PIK3C2A: variants seen among roughly 807,000 people sequenced by gnomAD.
PIK3C2A encodes the protein phosphatidylinositol-4-phosphate 3-kinase catalytic subunit type 2 alpha.
Under a neutral mutation model 204.5 loss-of-function variants are expected in PIK3C2A, and 97 were observed. The ratio of observed to expected loss-of-function variants is 0.47; its 90% CI spans 0.40 to 0.56. The LOEUF is 0.56. PIK3C2A is among the 20% of genes least tolerant of loss of function. The pLI is 0.00. For synonymous variants in PIK3C2A, 653 were observed against 664.4 expected, an observed-to-expected ratio of 0.98 and a Z score of 0.26; for missense variants, 1,735 against 1,969.2, an observed-to-expected ratio of 0.88 and a Z score of 2.25.
intron 22 of PIK3C2A, among the ~76,000 whole-genome samples, chr11:17,110,121 T>A (rs1235338625): frequency 1.3e-5 from 2 of 151,898 alleles, no homozygotes; most frequent in Non-Finnish European, 2.9e-5. Flanking sequence ...CCTGGCTAAT[T>A]TTTGCATTTT....
intron 2 of PIK3C2A, among the ~76,000 whole-genome samples, chr11:17,162,062 G>A (rs113066723): frequency 1.3e-5 from 2 of 152,154 alleles, no homozygotes; most frequent in African/African-American, 2.4e-5. Flanking sequence ...TGGGCCGGGC[G>A]CAGTGGCTCA....
chr11:17,121,220 C>T (rs1015666945), intron 15 of PIK3C2A, among the ~76,000 whole-genome samples: 1 of 152,068 alleles, frequency 6.6e-6, no homozygotes, highest in South Asian at 2.1e-4. Flanking sequence ...TGGGCTCAAG[C>T]AATTCTCCCA....
At chr11:17,095,717 T>C (rs1200136666) in intron 27 of PIK3C2A, among the ~76,000 whole-genome samples, 2 of 151,846 alleles carry the variant, frequency 1.3e-5, no homozygotes, top group Non-Finnish European at 2.9e-5. Context: ...CGCCTGGCCA[T>C]GTGCCTGGGC....
In PIK3C2A at chr11:17,169,170, C is replaced by T. The variant is rs61755371; in HGVS notation, c.572G>A (p.Gly191Glu). 2.6e-5 allele frequency: 42 copies of T among 1,613,602 alleles called. No individual in the cohort carries two copies. The highest frequency in any genetic ancestry group is 3.3e-4 in the Middle Eastern group (2 of 6,082). Residue 191 changes from glycine to glutamate, a missense_variant, in exon 2 of 33, where the codon GGA becomes GAA. Transcript: ENST00000691414. The part of the protein sequence containing the change: ...STEPIYLSLP[G>E]QSPYFSYPLT... ...AGGATATGAGAAATATGGAGATTGTCCCGGAAGACTTAAATATATAGGTTC... is the reference window on the plus strand; with the variant it reads ...AGGATATGAGAAATATGGAGATTGTTCCGGAAGACTTAAATATATAGGTTC...
At chr11:17,180,140 C>G (rs552249475) in intron 1 of PIK3C2A, among the ~76,000 whole-genome samples, 3,859 of 152,180 alleles carry the variant, frequency 0.025, 164 homozygotes, top group African/African-American at 0.088. Flanking sequence ...AGCACTGCTG[C>G]AGGCAATGAA....
chr11:17,120,046 AAAG>A (rs1269280064), intron 15 of PIK3C2A, 72 bp from the exon 16 acceptor site: 1 of 652,198 alleles, frequency 1.5e-6, no homozygotes, highest in East Asian at 3.2e-5. Flanking sequence ...TTAAAAATAC[AAAG>A]AAGAAATTTA....
intron 13 of PIK3C2A, 43 bp downstream of exon 13, chr11:17,129,257 A>G (rs1285424681): frequency 6.7e-7 from 1 of 1,495,948 alleles, no homozygotes; most frequent in African/African-American, 1.4e-5. Flanking sequence ...TGATGTGCAG[A>G]TGTGTCCACA....
At chr11:17,177,996 G>A (rs1234437191) in intron 1 of PIK3C2A, among the ~76,000 whole-genome samples, 2 of 148,302 alleles carry the variant, frequency 1.3e-5, no homozygotes, top group Non-Finnish European at 3.0e-5. Flanking sequence ...CCAAGGCTGA[G>A]GAAGAAGAAC....
At chr11:17,113,781 CAA>C (rs1283891348) in intron 20 of PIK3C2A, among the ~76,000 whole-genome samples, 23 of 76,912 alleles carry the variant, frequency 3.0e-4, no homozygotes, top group Admixed American at 6.3e-4. Context: ...GACTCCATCT[CAA>C]AAAAAAAAAA....
intron 1 of PIK3C2A, chr11:17,194,313 C>A (rs1852063041): frequency 3.4e-6 from 1 of 297,906 alleles, no homozygotes; most frequent in Non-Finnish European, 6.5e-6. Context: ...GAGTAGGTAT[C>A]TGCCTGCCAA....
chr11:17,184,539 C>T (rs1851687852), intron 1 of PIK3C2A, among the ~76,000 whole-genome samples: 2 of 151,926 alleles, frequency 1.3e-5, no homozygotes, highest in Admixed American at 6.6e-5. Flanking sequence ...TATAGCTGTA[C>T]TATGTTCTTA....
chr11:17,135,049 A>G lies in PIK3C2A; in HGVS notation c.1898-20T>C. Reference sequence around the variant, plus strand: ...GTGAGCCTAGATTAAAGAAAAAAAAAGTTAATAGATTCTCTGAAAAGGCGA... The same window carrying G: ...GTGAGCCTAGATTAAAGAAAAAAAAGGTTAATAGATTCTCTGAAAAGGCGA... On this transcript the variant is annotated intron_variant, in intron 10 of 32. Coordinates refer to ENST00000691414, the MANE Select transcript of PIK3C2A (RefSeq NM_002645.4). The G allele has an allele frequency of 1.2e-6, 2 of 1,612,400 alleles. No individual in the cohort carries two copies. The highest frequency in any genetic ancestry group is 1.7e-6 in the Non-Finnish European group (2 of 1,178,738).
At chr11:17,156,830 G>A (rs1031331588) in intron 2 of PIK3C2A, among the ~76,000 whole-genome samples, 3 of 152,130 alleles carry the variant, frequency 2.0e-5, no homozygotes, top group African/African-American at 7.2e-5. Context: ...GGAAAAGAGA[G>A]TTAAGGTAGA....
chr11:17,112,778 T>C (rs1849042251), intron 20 of PIK3C2A, 112 bp from the exon 21 acceptor site: 1 of 469,988 alleles, frequency 2.1e-6, no homozygotes, highest in Non-Finnish European at 3.8e-6. Context: ...TGTTTTTAGA[T>C]TTATTTTTTA....
intron 26 of PIK3C2A, among the ~76,000 whole-genome samples, chr11:17,099,363 A>G (rs768270944): frequency 6.6e-6 from 1 of 152,198 alleles, no homozygotes; most frequent in Non-Finnish European, 1.5e-5. Flanking sequence ...TGAAAAATAG[A>G]TTAGTACAGA....
At chr11:17,198,440 A>T (rs1312882611) in intron 1 of PIK3C2A, among the ~76,000 whole-genome samples, 1 of 152,070 alleles carries the variant, frequency 6.6e-6, no homozygotes, top group East Asian at 1.9e-4. Context: ...AAGTTACTTG[A>T]TCTCCCTTTG....
chr11:17,166,987 T>C (rs1272171293), intron 2 of PIK3C2A, among the ~76,000 whole-genome samples: 1 of 152,114 alleles, frequency 6.6e-6, no homozygotes, highest in Non-Finnish European at 1.5e-5. Context: ...CCCTTTTTTT[T>C]TGAGATAGAG....
intron 2 of PIK3C2A, among the ~76,000 whole-genome samples, chr11:17,156,572 G>A (rs1212833931): frequency 2.6e-5 from 4 of 152,040 alleles, no homozygotes; most frequent in Middle Eastern, 3.4e-3. Context: ...TTGTAGAGTC[G>A]GGGTTTTACC....
Position 17,169,467 on chromosome 11 carries a change from A to C in PIK3C2A, c.275T>G (p.Val92Gly). 6.2e-7 allele frequency: 1 copy of C among 1,614,136 alleles called. No individual in the cohort carries two copies. Among genetic ancestry groups the C allele is most frequent in the East Asian group, 2.2e-5 (1 of 44,876 alleles). Residue 92 changes from valine to glycine, a missense_variant, in exon 2 of 33, where the codon GTA becomes GGA. Physicochemically the swap from Val to Gly is moderately radical, Grantham distance 109. Coordinates refer to ENST00000691414, the MANE Select transcript of PIK3C2A (RefSeq NM_002645.4). ...AAGTTCAGCTTGGGTGAGCTTTTCT[A>C]CATCAATATCTAATGCTCTTTTTTG... Reference protein sequence around the residue: ...DSQKRALDIDVEKLTQAELEK... With the variant: ...DSQKRALDIDGEKLTQAELEK...
Sources: allele counts gnomAD v4.1 joint callset (sites outside exome capture counted in the v4.1 genomes callset), GRCh38; gene constraint gnomAD v4.1.1; transcripts MANE v1.5; gene names NCBI Gene and HGNC (gene_info 2026-07-23, HGNC 2026-07-21).